Variants in DENND1A observed in about 807,000 individuals in gnomAD.
The protein encoded by DENND1A is DENN domain containing 1A, also known as DENN domain-containing protein 1A.
Under a neutral mutation model 113.7 loss-of-function variants are expected in DENND1A, and 51 were observed. That is an observed-to-expected ratio of 0.45 (90% CI 0.36 to 0.57). The LOEUF is 0.57. Ranked by LOEUF, DENND1A falls within the 20% of genes least tolerant of loss-of-function variation. The probability of loss-of-function intolerance (pLI) is 0.00; values close to 1 mark genes in which losing one functional copy is unlikely to be tolerated. For missense variants in DENND1A, 1,258 were observed against 1,395.9 expected, an observed-to-expected ratio of 0.90 and a Z score of 1.57; for synonymous variants, 565 against 570.8, an observed-to-expected ratio of 0.99 and a Z score of 0.14.
intron 1 of DENND1A, among the ~76,000 whole-genome samples, chr9:123,917,296 C>T (rs1308769806): frequency 6.6e-6 from 1 of 152,040 alleles, no homozygotes; most frequent in African/African-American, 2.4e-5. Context: ...ACTACAGTCC[C>T]AGTGAAATAT....
chr9:123,687,470 T>C (rs2064880283), intron 5 of DENND1A, among the ~76,000 whole-genome samples: 1 of 152,076 alleles, frequency 6.6e-6, no homozygotes, highest in African/African-American at 2.4e-5. Flanking sequence ...CATTCTGGGG[T>C]GAGATTGCCC....
At chr9:123,738,191 T>C (rs2068713185) in intron 5 of DENND1A, among the ~76,000 whole-genome samples, 1 of 152,204 alleles carries the variant, frequency 6.6e-6, no homozygotes, top group Admixed American at 6.5e-5. Flanking sequence ...GTTCGTTGCA[T>C]ACACAAAATG....
intron 5 of DENND1A, among the ~76,000 whole-genome samples, chr9:123,743,456 G>A (rs1203611530): frequency 6.6e-6 from 1 of 151,732 alleles, no homozygotes; most frequent in African/African-American, 2.4e-5. Context: ...CATAGGCCGG[G>A]CGCGGTGGCT....
At chr9:123,526,140 C>T (rs2054820088) in intron 13 of DENND1A, among the ~76,000 whole-genome samples, 1 of 148,886 alleles carries the variant, frequency 6.7e-6, no homozygotes, top group African/African-American at 2.5e-5. Context: ...CTGCCCAACA[C>T]ATGCACACAC....
intron 5 of DENND1A, among the ~76,000 whole-genome samples, chr9:123,718,260 C>T (rs1006749442): frequency 2.0e-5 from 3 of 152,162 alleles, no homozygotes; most frequent in Non-Finnish European, 4.4e-5. Flanking sequence ...AAGGTGGGGG[C>T]TCCCAATCCA....
In DENND1A at chr9:123,654,796, G is replaced by C. The variant is rs560777015; in HGVS notation, c.508-2673C>G. ...TTCCTCCCCTGCCTCTTTCCTTCTG[G>C]GATGCCACCCGCCTGAGCGGGTGGG... On this transcript the variant is annotated intron_variant, in intron 8 of 23. Transcript: ENST00000394215. Among the ~76,000 whole-genome samples, 177 of 152,236 alleles carry C rather than the reference G, an allele frequency of 1.2e-3. 1 individual carries two copies. Among genetic ancestry groups the C allele is most frequent in the African/African-American group, 4.1e-3 (172 of 41,554 alleles).
chr9:123,412,317 C>A (rs1412785873), intron 19 of DENND1A, among the ~76,000 whole-genome samples: 1 of 152,248 alleles, frequency 6.6e-6, no homozygotes, highest in East Asian at 1.9e-4. Flanking sequence ...TGTTTGCCAC[C>A]CACCCTCCGG....
intron 11 of DENND1A, among the ~76,000 whole-genome samples, chr9:123,587,563 G>T (rs1357279878): frequency 6.6e-6 from 1 of 152,130 alleles, no homozygotes; most frequent in Non-Finnish European, 1.5e-5. Flanking sequence ...ATATGGACAG[G>T]CGTCCCCCCA....
At chr9:123,642,012 A>G (rs1475923002) in intron 9 of DENND1A, among the ~76,000 whole-genome samples, 4 of 152,212 alleles carry the variant, frequency 2.6e-5, no homozygotes, top group Admixed American at 6.5e-5. Context: ...TTGTTGAAGC[A>G]ATGGGAGAAG....
intron 2 of DENND1A, among the ~76,000 whole-genome samples, chr9:123,832,475 C>T (rs1840373543): frequency 6.6e-6 from 1 of 152,158 alleles, no homozygotes; most frequent in Non-Finnish European, 1.5e-5. Context: ...TTATGCTAAA[C>T]ATACACAAAC....
chr9:123,452,458 G>A, intron 16 of DENND1A, 111 bp from the exon 17 acceptor site: 1 of 864,994 alleles, frequency 1.2e-6, no homozygotes, highest in African/African-American at 1.7e-5. Flanking sequence ...GTATGTAAAT[G>A]CACATCGAGA....
intron 11 of DENND1A, among the ~76,000 whole-genome samples, chr9:123,586,919 G>C (rs1234099731): frequency 6.6e-6 from 1 of 152,120 alleles, no homozygotes; most frequent in Non-Finnish European, 1.5e-5. Flanking sequence ...GTCAGAGCTA[G>C]GAAGCAGCAG....
intron 22 of DENND1A, among the ~76,000 whole-genome samples, chr9:123,386,536 C>G (rs1179606759): frequency 6.6e-6 from 1 of 152,032 alleles, no homozygotes; most frequent in Admixed American, 6.6e-5. Flanking sequence ...TGTGAGCCAC[C>G]ATGCCCAGCT....
intron 1 of DENND1A, among the ~76,000 whole-genome samples, chr9:123,881,589 CAA>C (rs1467051979): frequency 6.6e-6 from 1 of 152,274 alleles, no homozygotes; most frequent in Non-Finnish European, 1.5e-5. Flanking sequence ...CATTTTTACT[CAA>C]GTTTCCATTT....
intron 2 of DENND1A, among the ~76,000 whole-genome samples, chr9:123,812,582 T>C (rs1309989048): frequency 1.3e-5 from 2 of 152,198 alleles, no homozygotes; most frequent in African/African-American, 4.8e-5. Context: ...ATAAGAGTTT[T>C]TGCCCTTCCA....
chr9:123,452,529 C>T (rs1218274129), intron 16 of DENND1A, among the ~76,000 whole-genome samples, 182 bp from the exon 17 acceptor site: 1 of 151,860 alleles, frequency 6.6e-6, no homozygotes, highest in Non-Finnish European at 1.5e-5. Flanking sequence ...GAAGGACTCT[C>T]GGTGGGAGCT....
chr9:123,454,307 C>T (rs2047950061), intron 16 of DENND1A, among the ~76,000 whole-genome samples: 1 of 152,216 alleles, frequency 6.6e-6, no homozygotes, highest in Non-Finnish European at 1.5e-5. Flanking sequence ...GCTCCTGACA[C>T]ATCAAGACAC....
chr9:123,867,589 T>C (rs1845959613), intron 2 of DENND1A, among the ~76,000 whole-genome samples: 1 of 152,224 alleles, frequency 6.6e-6, no homozygotes, highest in South Asian at 2.1e-4. Flanking sequence ...ATGGCTGCAG[T>C]AGACATCTGT....
At chr9:123,587,013 C>T (rs535144198) in intron 11 of DENND1A, among the ~76,000 whole-genome samples, 10 of 151,846 alleles carry the variant, frequency 6.6e-5, no homozygotes, top group South Asian at 4.2e-4. Flanking sequence ...CCAGGTGGAT[C>T]GGCAGGTTGA....
Sources: gnomAD v4.1 joint callset for allele counts (sites outside exome capture counted in the v4.1 genomes callset) on GRCh38, gnomAD v4.1.1 for gene constraint, MANE v1.5 for transcripts, NCBI Gene and HGNC (gene_info 2026-07-23, HGNC 2026-07-21) for gene names.